The following SESN1 variants were observed in gnomAD, a reference collection of about 807,000 sequenced individuals.
SESN1 encodes sestrin 1, also known as sestrin-1.
A neutral mutation model predicts 59.3 loss-of-function variants in SESN1; 30 were observed. The observed-to-expected ratio is 0.51, with a 90% CI of 0.38 to 0.69. The LOEUF is 0.69. SESN1 is among the 30% of genes least tolerant of loss of function. The probability of loss-of-function intolerance (pLI) is 0.00; values close to 1 mark genes in which losing one functional copy is unlikely to be tolerated. For missense variants in SESN1, 566 were observed against 673.0 expected, an observed-to-expected ratio of 0.84 and a Z score of 1.76; for synonymous variants, 197 against 219.9, an observed-to-expected ratio of 0.90 and a Z score of 0.92.
chr6:108,993,371 C>T (rs1411500660), intron 6 of SESN1, among the ~76,000 whole-genome samples: 2 of 152,118 alleles, frequency 1.3e-5, no homozygotes, highest in Non-Finnish European at 2.9e-5. Context: ...TGCACTGTGA[C>T]TAAGACTTTC....
At chr6:109,087,157 TAAAA>T (rs1781226745) in intron 1 of SESN1, among the ~76,000 whole-genome samples, 1 of 151,848 alleles carries the variant, frequency 6.6e-6, no homozygotes, top group South Asian at 2.1e-4. Flanking sequence ...CAAAAATAAA[TAAAA>T]TAAAATAGAC....
intron 1 of SESN1, among the ~76,000 whole-genome samples, chr6:109,041,182 T>C (rs954289880): frequency 6.6e-6 from 1 of 150,630 alleles, no homozygotes; most frequent in African/African-American, 2.4e-5. Flanking sequence ...CATTGTGGCA[T>C]GCACCTATAG....
intron 1 of SESN1, among the ~76,000 whole-genome samples, chr6:109,071,434 T>C (rs79948792): frequency 6.6e-6 from 1 of 151,856 alleles, no homozygotes; most frequent in Non-Finnish European, 1.5e-5. Context: ...CCTTTTATCT[T>C]CATTTTGCTG....
chr6:109,004,174 GA>G (rs1216989239), intron 1 of SESN1, among the ~76,000 whole-genome samples: 1 of 151,538 alleles, frequency 6.6e-6, no homozygotes, highest in Non-Finnish European at 1.5e-5. Context: ...TGAAAACTTA[GA>G]AAAAAAGCAA....
At chr6:109,004,815 A>T (rs1292864214) in intron 1 of SESN1, among the ~76,000 whole-genome samples, 1 of 152,204 alleles carries the variant, frequency 6.6e-6, no homozygotes, top group Non-Finnish European at 1.5e-5. Flanking sequence ...ACTCAAAACA[A>T]CTGCAAGTTA....
intron 1 of SESN1, among the ~76,000 whole-genome samples, chr6:109,082,210 AC>A (rs1301262955): frequency 1.3e-5 from 2 of 152,174 alleles, no homozygotes; most frequent in African/African-American, 4.8e-5. Context: ...GGACCAATGA[AC>A]CTTTAAAGTA....
intron 1 of SESN1, among the ~76,000 whole-genome samples, chr6:109,045,910 A>G (rs1780423486): frequency 6.6e-6 from 1 of 152,222 alleles, no homozygotes. Context: ...CACGATATGG[A>G]AGAACTCTGA....
At chr6:108,994,434 A>G (rs567968608) in intron 6 of SESN1, 28 bp downstream of exon 6, 3 of 1,561,248 alleles carry the variant, frequency 1.9e-6, no homozygotes, top group South Asian at 1.2e-5. Flanking sequence ...TGCAATAATT[A>G]TATTGACTAT....
At chr6:109,009,669 G>A in intron 1 of SESN1, 3 of 560,870 alleles carry the variant, frequency 5.3e-6, no homozygotes, top group Non-Finnish European at 4.6e-6. Flanking sequence ...GCAAAGCACC[G>A]CCCCTCCGGC....
intron 5 of SESN1, 23 bp from the exon 6 acceptor site, chr6:108,994,632 G>A (rs753042998): frequency 3.2e-5 from 49 of 1,543,122 alleles, no homozygotes; most frequent in Non-Finnish European, 4.1e-5. Flanking sequence ...TACAATTAAT[G>A]TTACATGTGG....
chr6:109,011,536 G>C (rs566428580), intron 1 of SESN1, among the ~76,000 whole-genome samples: 21 of 152,080 alleles, frequency 1.4e-4, no homozygotes, highest in African/African-American at 4.3e-4. Context: ...GCACTAGAGT[G>C]AATTAGTCAC....
At chr6:109,081,634 G>C (rs1384352416) in intron 1 of SESN1, among the ~76,000 whole-genome samples, 3 of 152,014 alleles carry the variant, frequency 2.0e-5, no homozygotes, top group Non-Finnish European at 4.4e-5. Context: ...CAATCCCATG[G>C]CACATTTTAA....
chr6:108,988,687 T>G lies in SESN1; in HGVS notation c.1425A>C (p.Arg475Ser). 6.3e-7 allele frequency: 1 copy of G among 1,599,986 alleles called. No homozygotes were observed. Residue 475 changes from arginine (R) to serine (S), a missense_variant and splice_region_variant, in exon 9 of 10, where the codon AGA becomes AGC. Coordinates refer to ENST00000436639, the MANE Select transcript of SESN1 (RefSeq NM_014454.3). ...WNYIHCMFGI[R>S]YDDYDYGEIN... ...TTTCACCATAGTCATAATCATCATATCTGTTGAAAGACATAATGAGAATTA... is the reference window on the plus strand; with the variant it reads ...TTTCACCATAGTCATAATCATCATAGCTGTTGAAAGACATAATGAGAATTA...
At chr6:109,089,496 G>C (rs1367185989) in intron 1 of SESN1, among the ~76,000 whole-genome samples, 2 of 152,198 alleles carry the variant, frequency 1.3e-5, no homozygotes, top group East Asian at 3.9e-4. Flanking sequence ...GTTTAATCTG[G>C]AGAAGAAGAC....
chr6:109,027,977 A>G (rs1780122306), intron 1 of SESN1, among the ~76,000 whole-genome samples: 1 of 152,054 alleles, frequency 6.6e-6, no homozygotes, highest in Non-Finnish European at 1.5e-5. Context: ...ACTTTGATAT[A>G]TGTGTTATAA....
At chr6:109,090,496 G>T (rs1214775475) in intron 1 of SESN1, 3 of 152,068 alleles carry the variant, frequency 2.0e-5, no homozygotes, top group Admixed American at 6.6e-5. Context: ...CACATATTTT[G>T]TATGTTATAC....
chr6:109,041,645 AAT>A (rs1246544448), intron 1 of SESN1, among the ~76,000 whole-genome samples: 1 of 152,192 alleles, frequency 6.6e-6, no homozygotes, highest in Non-Finnish European at 1.5e-5. Flanking sequence ...ACCCACCAAG[AAT>A]ATATAGCAAT....
intron 1 of SESN1, among the ~76,000 whole-genome samples, chr6:109,074,179 A>AT (rs1281809839): frequency 6.6e-6 from 1 of 152,218 alleles, no homozygotes; most frequent in African/African-American, 2.4e-5. Context: ...AGGCTATACC[A>AT]TCTATGTTTG....
chr6:109,068,991 G>A (rs747033653), intron 1 of SESN1, among the ~76,000 whole-genome samples: 5 of 151,966 alleles, frequency 3.3e-5, no homozygotes, highest in Non-Finnish European at 7.4e-5. Flanking sequence ...CAAAGTGCTG[G>A]GATTACAGGT....
Sources: allele counts gnomAD v4.1 joint callset (sites outside exome capture counted in the v4.1 genomes callset), GRCh38; gene constraint gnomAD v4.1.1; transcripts MANE v1.5; gene names NCBI Gene and HGNC (gene_info 2026-07-23, HGNC 2026-07-21).